BCKDHB: variants seen among roughly 807,000 people sequenced by gnomAD.
The protein encoded by BCKDHB is 2-oxoisovalerate dehydrogenase subunit beta, mitochondrial.
Under a neutral mutation model 48.5 loss-of-function variants are expected in BCKDHB, and 41 were observed. The ratio of observed to expected loss-of-function variants is 0.85; its 90% CI spans 0.66 to 1.10. The LOEUF (loss-of-function observed/expected upper bound fraction) is 1.10. Ranked by LOEUF, BCKDHB falls within the 50% of genes least tolerant of loss-of-function variation. The pLI, the probability that BCKDHB is intolerant of heterozygous loss-of-function variation, is 0.00. For synonymous variants in BCKDHB, 201 were observed against 174.8 expected, an observed-to-expected ratio of 1.15 and a Z score of -1.18; for missense variants, 496 against 494.2, an observed-to-expected ratio of 1.00 and a Z score of -0.03.
the BCKDHB span, among the ~76,000 whole-genome samples, chr6:80,428,240 T>C: frequency 6.6e-6 from 1 of 152,216 alleles, no homozygotes; most frequent in Non-Finnish European, 1.5e-5. Flanking sequence ...CCATGGTGTA[T>C]ATGTACCACA....
At chr6:80,350,745 G>A (rs1351170561), downstream of BCKDHB, among the ~76,000 whole-genome samples, 2 of 152,154 alleles carry the variant, frequency 1.3e-5, no homozygotes, top group Admixed American at 6.5e-5. Context: ...TGGCTATAAA[G>A]AATTAGAATA....
chr6:80,160,426 G>A (rs1180927711), intron 3 of BCKDHB, among the ~76,000 whole-genome samples: 1 of 152,092 alleles, frequency 6.6e-6, no homozygotes. Context: ...TCGAAGTGCT[G>A]GGATTACAGG....
At chr6:80,114,987 T>G (rs1769609211) in intron 1 of BCKDHB, among the ~76,000 whole-genome samples, 1 of 152,244 alleles carries the variant, frequency 6.6e-6, no homozygotes, top group African/African-American at 2.4e-5. Flanking sequence ...AGACCCAGTC[T>G]CTTCAACTTT....
At chr6:80,266,633 T>G (rs2127956641) in intron 8 of BCKDHB, among the ~76,000 whole-genome samples, 1 of 152,172 alleles carries the variant, frequency 6.6e-6, no homozygotes, top group African/African-American at 2.4e-5. Flanking sequence ...CTCGTTATTC[T>G]AAAACAAGTC....
intron 9 of BCKDHB, among the ~76,000 whole-genome samples, chr6:80,299,856 C>A (rs796197927): frequency 6.6e-6 from 1 of 152,020 alleles, no homozygotes; most frequent in Non-Finnish European, 1.5e-5. Context: ...TAATACATAC[C>A]AACCTTGAAT....
At position 80,204,991 on chromosome 6, in the gene BCKDHB, T is replaced by C. The variant is rs192231989; in HGVS notation, c.951+1779T>C. 5.6e-4 allele frequency among the ~76,000 whole-genome samples: 85 copies of C among 152,204 alleles called. 1 individual carries two copies. Among genetic ancestry groups the C allele is most frequent in the Middle Eastern group, 3.4e-3 (1 of 294 alleles). ...AGTGATGCATCAGACCTCTGACTTA[T>C]TAGCGTCATTATTTTGTTTTGTTTT... On this transcript the variant is annotated intron_variant, in intron 8 of 9. Transcript: ENST00000320393.
At chr6:80,257,746 C>T (rs922263768) in intron 8 of BCKDHB, among the ~76,000 whole-genome samples, 8 of 151,982 alleles carry the variant, frequency 5.3e-5, no homozygotes, top group East Asian at 1.9e-4. Flanking sequence ...AGTAGGGAGG[C>T]GGTTCTGGTG....
chr6:80,335,231 GA>G (rs796841647), intron 9 of BCKDHB, among the ~76,000 whole-genome samples: 2,485 of 40,428 alleles, frequency 0.061, 90 homozygotes, highest in African/African-American at 0.16. Flanking sequence ...AATTTTGTGG[GA>G]AAAAAAAAAA....
chr6:80,112,560 C>T (rs1357261694), intron 1 of BCKDHB, among the ~76,000 whole-genome samples: 2 of 152,180 alleles, frequency 1.3e-5, no homozygotes, highest in South Asian at 4.1e-4. Flanking sequence ...TCCTTATTTC[C>T]CATTACTATA....
At chr6:80,341,183 AG>A (rs1385609453) in intron 9 of BCKDHB, among the ~76,000 whole-genome samples, 1 of 152,178 alleles carries the variant, frequency 6.6e-6, no homozygotes, top group Non-Finnish European at 1.5e-5. Flanking sequence ...TACTTATAAT[AG>A]CGTATTATAA....
At chr6:80,263,501 C>G (rs1019434771) in intron 8 of BCKDHB, among the ~76,000 whole-genome samples, 1 of 151,964 alleles carries the variant, frequency 6.6e-6, no homozygotes, top group Admixed American at 6.6e-5. Context: ...TACTCCAGCA[C>G]TTTTTTGAGT....
At chr6:80,321,221 G>A (rs1477945813) in intron 9 of BCKDHB, among the ~76,000 whole-genome samples, 1 of 152,018 alleles carries the variant, frequency 6.6e-6, no homozygotes, top group Non-Finnish European at 1.5e-5. Flanking sequence ...GTCTGCCTTG[G>A]GTACAGAATA....
intron 9 of BCKDHB, among the ~76,000 whole-genome samples, chr6:80,300,836 T>C (rs1472156640): frequency 1.3e-5 from 2 of 152,226 alleles, no homozygotes; most frequent in Non-Finnish European, 1.5e-5. Flanking sequence ...AATAAAAATA[T>C]AAATCAATAT....
At chr6:80,174,086 G>T (rs1003559733) in intron 6 of BCKDHB, among the ~76,000 whole-genome samples, 2 of 152,094 alleles carry the variant, frequency 1.3e-5, no homozygotes, top group Non-Finnish European at 2.9e-5. Flanking sequence ...GTATCCATAA[G>T]TAAAAATTTA....
the BCKDHB span, among the ~76,000 whole-genome samples, chr6:80,424,300 T>G: frequency 6.6e-6 from 1 of 152,228 alleles, no homozygotes; most frequent in Non-Finnish European, 1.5e-5. Flanking sequence ...GTGATGCCTT[T>G]AAACTTCAAA....
intron 8 of BCKDHB, among the ~76,000 whole-genome samples, chr6:80,269,525 T>C (rs969517769): frequency 9.2e-5 from 14 of 152,078 alleles, no homozygotes; most frequent in African/African-American, 3.4e-4. Context: ...TGATGCCATT[T>C]GTCACCCGTA....
At chr6:80,421,636 G>A in the BCKDHB span, among the ~76,000 whole-genome samples, 5,556 of 152,248 alleles carry the variant, frequency 0.036, 351 homozygotes, top group African/African-American at 0.13. Flanking sequence ...GAACTTATTG[G>A]GAAATGGAGC....
chr6:80,413,099 C>T, the BCKDHB span, among the ~76,000 whole-genome samples: 2 of 152,112 alleles, frequency 1.3e-5, no homozygotes, highest in Non-Finnish European at 2.9e-5. Flanking sequence ...AGTTTTCTAA[C>T]CCATCTTCCT....
intron 1 of BCKDHB, 62 bp downstream of exon 1, chr6:80,106,951 C>T (rs1769103646): frequency 2.6e-6 from 4 of 1,550,902 alleles, no homozygotes; most frequent in Admixed American, 3.8e-5. Context: ...TCGCAGGCGC[C>T]CGCGAGGGGC....
Sources: allele counts gnomAD v4.1 joint callset (sites outside exome capture counted in the v4.1 genomes callset), GRCh38; gene constraint gnomAD v4.1.1; transcripts MANE v1.5; gene names NCBI Gene and HGNC (gene_info 2026-07-23, HGNC 2026-07-21).